The following PLAA variants were observed in gnomAD, a reference collection of about 807,000 sequenced individuals.
PLAA encodes the protein phospholipase A-2-activating protein.
Under a neutral mutation model 84.1 loss-of-function variants are expected in PLAA, and 48 were observed. The ratio of observed to expected loss-of-function variants is 0.57; its 90% CI spans 0.45 to 0.73. The LOEUF is 0.73. Among genes scored for constraint, PLAA ranks in the 30% least tolerant of loss-of-function variants. PLAA has a pLI of 0.00. For synonymous variants in PLAA, 392 were observed against 336.6 expected, an observed-to-expected ratio of 1.16 and a Z score of -1.80; for missense variants, 903 against 954.7, an observed-to-expected ratio of 0.95 and a Z score of 0.71.
intron 1 of PLAA, among the ~76,000 whole-genome samples, chr9:26,944,707 C>A (rs2131433722): frequency 6.6e-6 from 1 of 152,348 alleles, no homozygotes; most frequent in East Asian, 1.9e-4. Context: ...CTAACCTAAC[C>A]AGCAGGATAT....
At position 26,925,952 on chromosome 9, in the gene PLAA, T is replaced by C. The variant is rs1824941385; in HGVS notation, c.742A>G (p.Thr248Ala). 2 of 1,612,374 alleles carry C rather than the reference T, an allele frequency of 1.2e-6. No homozygotes were observed. The highest frequency in any genetic ancestry group is 1.7e-6 in the Non-Finnish European group (2 of 1,178,612). ...CTCAGAGATCTGTCCTCTGCTGTTG[T>C]CACAAAGTCTAAAATTAATGAATAT... Reference protein sequence around the residue: ...SVFPNCRDFVTTAEDRSLRIW... With the variant: ...SVFPNCRDFVATAEDRSLRIW... The change falls in exon 6 of 14, where the codon ACA (threonine) becomes GCA (alanine). Residue 248 changes from threonine to alanine, a missense_variant. By Grantham distance (58) the Thr-to-Ala change is moderately conservative (BLOSUM62 0). Transcript: ENST00000397292.
chr9:26,907,141 GA>G (rs796119710), intron 13 of PLAA, among the ~76,000 whole-genome samples: 17 of 138,258 alleles, frequency 1.2e-4, no homozygotes, highest in African/African-American at 1.9e-4. Context: ...GACATAATTG[GA>G]AAAAAAAAAA....
chr9:26,907,932 A>C lies in PLAA; in HGVS notation c.1724T>G (p.Leu575Arg), dbSNP rs780131761. The C allele has an allele frequency of 6.2e-7, 1 of 1,611,192 alleles. No homozygotes were observed. Among genetic ancestry groups the C allele is most frequent in the African/African-American group, 1.3e-5 (1 of 74,754 alleles). Residue 575 changes from leucine (L) to arginine (R), a missense_variant, in exon 13 of 14, where the codon CTT (leucine) becomes CGT (arginine). Transcript: ENST00000397292. ...TATTAGAGACAGTATCTTCTCAAGA[A>C]GTATCAAGTCATCCTCAGTTAACTT... The part of the protein sequence containing the change: ...EKKLTEDDLI[L>R]LEKILSLICN...
At chr9:26,936,444 G>C (rs1249939415) in intron 1 of PLAA, among the ~76,000 whole-genome samples, 1 of 152,202 alleles carries the variant, frequency 6.6e-6, no homozygotes, top group East Asian at 1.9e-4. Context: ...TTCCCACCTA[G>C]ACAACGATGG....
chr9:26,947,161 G>A lies in PLAA; in HGVS notation c.-116C>T. 8.2e-7 allele frequency: 1 copy of A among 1,223,938 alleles called. No individual in the cohort carries two copies. The allele number at this position is 1,223,938 out of a possible 1,614,324, so 75.8% of individuals were successfully genotyped here. A position where few individuals can be genotyped will look rare whatever the true frequency, so the allele number is the denominator to read the frequency against. ...AGAGCCTGCAGGTAAGGGGCGGCCG[G>A]AGACCGGAAGAGCCCGAGAGCCGGT... On this transcript the variant is annotated 5_prime_UTR_variant, in exon 1 of 14. Transcript: ENST00000397292.
rs1824936201 is a variant in PLAA at position 26,925,874 on chromosome 9, T to C, written c.820A>G (p.Ile274Val). The C allele has an allele frequency of 1.2e-6, 2 of 1,613,890 alleles. No individual in the cohort carries two copies. The highest frequency in any genetic ancestry group is 1.7e-6 in the Non-Finnish European group (2 of 1,179,822). ...AQTIRLPAQSIWCCCVLDNGD... is the reference protein window; with the variant it reads ...AQTIRLPAQSVWCCCVLDNGD... The stretch of plus-strand genomic sequence containing the variant: ...TTGTCGAGCACACAGCAGCACCATA[T>C]AGACTGAGCTGGAAGTCGGATAGTT... The change falls in exon 6 of 14, where the codon ATA (isoleucine) becomes GTA (valine). Residue 274 changes from isoleucine (I) to valine (V), a missense_variant. Transcript: ENST00000397292.
chr9:26,905,315 C>T lies in PLAA; in HGVS notation c.*196G>A, dbSNP rs939661735. ...TGTGTTCACACTCTTGAAAATCTAC[C>T]CAAATTACACAGGAAAATCTCACAG... On this transcript the variant is annotated 3_prime_UTR_variant, in exon 14 of 14. Transcript: ENST00000397292. 3.8e-6 allele frequency: 2 copies of T among 533,310 alleles called. No individual in the cohort carries two copies. Among genetic ancestry groups the T allele is most frequent in the South Asian group, 2.7e-5 (1 of 36,490 alleles). 33.0% of individuals were successfully genotyped at this position (533,310 alleles called of 1,614,324 possible). A position where few individuals can be genotyped will look rare whatever the true frequency, so the allele number is the denominator to read the frequency against.
intron 1 of PLAA, among the ~76,000 whole-genome samples, 189 bp from the exon 2 acceptor site, chr9:26,935,395 TAAAG>T (rs1342546665): frequency 1.3e-5 from 2 of 152,190 alleles, no homozygotes; most frequent in Middle Eastern, 3.2e-3. Context: ...TTACATGAGA[TAAAG>T]AGAAGTTTGT....
chr9:26,944,875 A>C (rs892892104), intron 1 of PLAA, among the ~76,000 whole-genome samples: 3 of 152,224 alleles, frequency 2.0e-5, no homozygotes, highest in Non-Finnish European at 4.4e-5. Flanking sequence ...CACGCCTGTA[A>C]TCCCAACACT....
intron 4 of PLAA, among the ~76,000 whole-genome samples, chr9:26,927,151 C>G (rs1049807923): frequency 8.5e-6 from 1 of 117,264 alleles, no homozygotes; most frequent in African/African-American, 3.8e-5. Flanking sequence ...GATGGAGTCT[C>G]ACTTTGTGGC....
At chr9:26,913,180 A>G (rs1025886272) in intron 11 of PLAA, among the ~76,000 whole-genome samples, 3 of 152,236 alleles carry the variant, frequency 2.0e-5, no homozygotes, top group African/African-American at 7.2e-5. Context: ...TACAAAGAAC[A>G]TAAAAATTAA....
chr9:26,923,583 C>T (rs1248028543), intron 6 of PLAA, among the ~76,000 whole-genome samples: 1 of 152,142 alleles, frequency 6.6e-6, no homozygotes. Flanking sequence ...TATACAATTT[C>T]CAAGTTAAAT....
intron 2 of PLAA, among the ~76,000 whole-genome samples, chr9:26,929,982 C>A (rs1292195473): frequency 6.6e-6 from 1 of 150,890 alleles, no homozygotes; most frequent in Non-Finnish European, 1.5e-5. Context: ...AAAACGGTAG[C>A]TGACACTTTC....
Position 26,919,533 on chromosome 9 carries a change from A to C in PLAA, c.1198-4T>G. The C allele has an allele frequency of 1.3e-6, 2 of 1,485,252 alleles. No individual in the cohort carries two copies. The highest frequency in any genetic ancestry group is 1.9e-6 in the Non-Finnish European group (2 of 1,065,360). 92.0% of individuals were successfully genotyped at this position (1,485,252 alleles called of 1,614,324 possible). A position where few individuals can be genotyped will look rare whatever the true frequency, so the allele number is the denominator to read the frequency against. ...TTGAGAAAACATAATCAAATTCCTA[A>C]AGTAGGAATATAAAAAGGAGATACA... On this transcript the variant is annotated splice_polypyrimidine_tract_variant and splice_region_variant and intron_variant, in intron 8 of 13. Coordinates refer to ENST00000397292, the MANE Select transcript of PLAA (RefSeq NM_001031689.3).
In PLAA at chr9:26,904,767, A is replaced by G. The variant is rs1401527125; in HGVS notation, c.*744T>C. ...TTCCAAATTCCCTTTGAAATAATGG[A>G]AAATGACAAAAATAAACAGCCAAAT... On this transcript the variant is annotated 3_prime_UTR_variant, in exon 14 of 14. Coordinates refer to ENST00000397292, the MANE Select transcript of PLAA (RefSeq NM_001031689.3). 6.6e-6 allele frequency: 1 copy of G among 152,412 alleles called. No individual in the cohort carries two copies. The highest frequency in any genetic ancestry group is 2.4e-5 in the African/African-American group (1 of 41,454). The allele number at this position is 152,412 out of a possible 1,614,324, so 9.4% of individuals were successfully genotyped here.
intron 1 of PLAA, among the ~76,000 whole-genome samples, chr9:26,943,657 C>T (rs911332765): frequency 1.3e-5 from 2 of 152,074 alleles, no homozygotes; most frequent in African/African-American, 2.4e-5. Context: ...TATTAATATG[C>T]TGTTATGAGC....
At chr9:26,912,866 C>T (rs12379678) in intron 11 of PLAA, among the ~76,000 whole-genome samples, 4 of 152,124 alleles carry the variant, frequency 2.6e-5, no homozygotes, top group African/African-American at 9.7e-5. Context: ...ATTACAGGTA[C>T]TATGTTATAC....
intron 2 of PLAA, among the ~76,000 whole-genome samples, chr9:26,930,654 C>T (rs1825153318): frequency 6.7e-6 from 1 of 149,410 alleles, no homozygotes. Context: ...GCAATCTTGG[C>T]TCACTGCAAC....
chr9:26,910,917 A>C (rs1381582832), intron 11 of PLAA, among the ~76,000 whole-genome samples: 1 of 152,112 alleles, frequency 6.6e-6, no homozygotes, highest in East Asian at 1.9e-4. Context: ...AGGCATGCTG[A>C]TCTCTCCTTT....
Sources: allele counts gnomAD v4.1 joint callset (sites outside exome capture counted in the v4.1 genomes callset), GRCh38; gene constraint gnomAD v4.1.1; transcripts MANE v1.5; gene names NCBI Gene and HGNC (gene_info 2026-07-23, HGNC 2026-07-21).